The following RASEF variants were observed in gnomAD, a reference collection of about 807,000 sequenced individuals.
RASEF encodes RAS and EF-hand domain containing.
RASEF carries 68 observed loss-of-function variants against 90.1 expected under a neutral mutation model. The ratio of observed to expected loss-of-function variants is 0.75; its 90% CI spans 0.62 to 0.92. The LOEUF (loss-of-function observed/expected upper bound fraction) is 0.92, where lower values mean the gene tolerates loss of function less well. RASEF is among the 40% of genes least tolerant of loss of function. RASEF has a pLI of 0.00. For missense variants in RASEF, 949 were observed against 937.2 expected, an observed-to-expected ratio of 1.01 and a Z score of -0.16; for synonymous variants, 331 against 345.2, an observed-to-expected ratio of 0.96 and a Z score of 0.46.
the RASEF span, among the ~76,000 whole-genome samples, chr9:83,085,789 G>T: frequency 6.6e-6 from 1 of 151,968 alleles, no homozygotes; most frequent in South Asian, 2.1e-4. Flanking sequence ...GCGAGGCGTG[G>T]TGGCATGCAC....
chr9:83,182,657 A>G, the RASEF span, among the ~76,000 whole-genome samples: 1 of 152,344 alleles, frequency 6.6e-6, no homozygotes, highest in South Asian at 2.1e-4. Context: ...TTTTGGTTTC[A>G]ATTAATCAAC....
chr9:83,046,170 G>C (rs1298299066), intron 1 of RASEF, among the ~76,000 whole-genome samples: 1 of 152,066 alleles, frequency 6.6e-6, no homozygotes, highest in Non-Finnish European at 1.5e-5. Flanking sequence ...CTGTTATACA[G>C]ATTATTTCAT....
the RASEF span, among the ~76,000 whole-genome samples, chr9:83,218,636 T>G: frequency 1.3e-5 from 2 of 152,094 alleles, no homozygotes; most frequent in Non-Finnish European, 2.9e-5. Context: ...CAGCCAGGTG[T>G]GTCTCTCTCA....
intron 8 of RASEF, among the ~76,000 whole-genome samples, chr9:83,005,113 C>T (rs1829104698): frequency 1.3e-5 from 2 of 152,250 alleles, no homozygotes; most frequent in African/African-American, 2.4e-5. Context: ...ATCTCACTGG[C>T]ATAAAGAATA....
At chr9:83,056,630 T>C (rs1830107985) in intron 1 of RASEF, among the ~76,000 whole-genome samples, 2 of 152,202 alleles carry the variant, frequency 1.3e-5, no homozygotes, top group African/African-American at 4.8e-5. Context: ...AGATGAAGAT[T>C]TGTACACGCT....
At chr9:83,211,266 T>C in the RASEF span, among the ~76,000 whole-genome samples, 2 of 152,142 alleles carry the variant, frequency 1.3e-5, no homozygotes, top group African/African-American at 4.8e-5. Context: ...ATATAGTAGG[T>C]TATGGGTTTT....
At chr9:83,165,453 G>A in the RASEF span, among the ~76,000 whole-genome samples, 4 of 152,042 alleles carry the variant, frequency 2.6e-5, no homozygotes, top group East Asian at 3.9e-4. Flanking sequence ...TATTTGAAAC[G>A]GAATGAAAAT....
chr9:83,038,134 C>T (rs1352858845), intron 1 of RASEF, among the ~76,000 whole-genome samples: 1 of 151,898 alleles, frequency 6.6e-6, no homozygotes, highest in Non-Finnish European at 1.5e-5. Flanking sequence ...GAATCATAAA[C>T]GAACACAACT....
the RASEF span, among the ~76,000 whole-genome samples, chr9:83,110,490 C>T: frequency 6.6e-6 from 1 of 152,072 alleles, no homozygotes; most frequent in African/African-American, 2.4e-5. Flanking sequence ...TTGGCATGGC[C>T]TATTTGGATG....
the RASEF span, among the ~76,000 whole-genome samples, chr9:83,196,421 C>T: frequency 6.6e-6 from 1 of 152,086 alleles, no homozygotes; most frequent in African/African-American, 2.4e-5. Context: ...ACTATGACTT[C>T]TCTGTGTCAA....
the RASEF span, among the ~76,000 whole-genome samples, chr9:83,198,669 A>G: frequency 6.6e-6 from 1 of 152,310 alleles, no homozygotes; most frequent in East Asian, 1.9e-4. Context: ...CTCCTGCTTC[A>G]TGAGCCTGAA....
intron 7 of RASEF, among the ~76,000 whole-genome samples, chr9:83,006,863 G>T (rs1453905574): frequency 1.3e-5 from 2 of 152,146 alleles, no homozygotes; most frequent in Non-Finnish European, 2.9e-5. Context: ...GGAGGCCGAG[G>T]CGGGAGGATC....
chr9:83,177,903 G>C, the RASEF span, among the ~76,000 whole-genome samples: 35,790 of 151,684 alleles, frequency 0.24, 4,831 homozygotes, highest in Middle Eastern at 0.32. Context: ...TTACATGGTT[G>C]CTGGCATGCT....
At chr9:83,128,435 CA>C in the RASEF span, among the ~76,000 whole-genome samples, 1 of 150,814 alleles carries the variant, frequency 6.6e-6, no homozygotes, top group African/African-American at 2.4e-5. Context: ...CTGTCGTGCC[CA>C]ATTTTGAGTG....
At chr9:83,150,945 A>G in the RASEF span, among the ~76,000 whole-genome samples, 1 of 152,200 alleles carries the variant, frequency 6.6e-6, no homozygotes, top group Non-Finnish European at 1.5e-5. Context: ...CACACATGTC[A>G]GCCACTATGT....
chr9:83,023,662 T>C (rs1466410085), intron 2 of RASEF, among the ~76,000 whole-genome samples: 1 of 152,246 alleles, frequency 6.6e-6, no homozygotes, highest in African/African-American at 2.4e-5. Context: ...GCTTGGGAAG[T>C]CAGTTCATTT....
chr9:83,019,152 T>C (rs1386821784), intron 3 of RASEF, among the ~76,000 whole-genome samples: 1 of 152,100 alleles, frequency 6.6e-6, no homozygotes, highest in African/African-American at 2.4e-5. Flanking sequence ...ATTTATACTC[T>C]TACTGTTAGG....
chr9:83,113,274 A>G, the RASEF span, among the ~76,000 whole-genome samples: 2 of 152,282 alleles, frequency 1.3e-5, no homozygotes, highest in South Asian at 2.1e-4. Context: ...CTTCCCTAAT[A>G]ATACTCTTAT....
At chr9:83,013,911 T>C (rs938168874) in intron 4 of RASEF, among the ~76,000 whole-genome samples, 1 of 152,202 alleles carries the variant, frequency 6.6e-6, no homozygotes, top group Non-Finnish European at 1.5e-5. Flanking sequence ...ATCAGAAAGA[T>C]GATGTGAACT....
Sources: gnomAD v4.1 joint callset for allele counts (sites outside exome capture counted in the v4.1 genomes callset) on GRCh38, gnomAD v4.1.1 for gene constraint, MANE v1.5 for transcripts, NCBI Gene and HGNC (gene_info 2026-07-23, HGNC 2026-07-21) for gene names.